The following CLEC18A variants were observed in gnomAD, a reference collection of about 807,000 sequenced individuals.
CLEC18A encodes the protein mannose receptor-like 1.
A neutral mutation model predicts 24.0 loss-of-function variants in CLEC18A; 5 were observed. The ratio of observed to expected loss-of-function variants is 0.21; its 90% CI spans 0.11 to 0.44. CLEC18A has a LOEUF of 0.44. Ranked by LOEUF, CLEC18A falls within the 20% of genes least tolerant of loss-of-function variation. CLEC18A has a pLI of 0.99. For synonymous variants in CLEC18A, 29 were observed against 100.1 expected (o/e 0.29, Z 4.24); for missense variants, 83 against 233.4 (o/e 0.36, Z 4.20).
At chr16:69,950,309 C>T (rs2058931347), upstream of CLEC18A, among the ~76,000 whole-genome samples, 1 of 127,302 alleles carries the variant, frequency 7.9e-6, no homozygotes, top group South Asian at 2.5e-4. Context: ...AGAAGGAGGA[C>T]GTAGTTGGTT....
upstream of CLEC18A, among the ~76,000 whole-genome samples, chr16:69,946,346 C>G (rs1214211565): frequency 7.3e-6 from 1 of 136,288 alleles, no homozygotes; most frequent in Non-Finnish European, 1.6e-5. Context: ...TTTTTTAGAT[C>G]TTTAGTTTCT....
chr16:69,948,562 T>TA (rs996244714), upstream of CLEC18A, among the ~76,000 whole-genome samples: 1 of 151,884 alleles, frequency 6.6e-6, no homozygotes, highest in African/African-American at 2.4e-5. Context: ...ACACAGGTGA[T>TA]AAAGAAAATA....
downstream of CLEC18A, among the ~76,000 whole-genome samples, chr16:69,965,536 C>G (rs969427043): frequency 3.3e-5 from 5 of 150,698 alleles, no homozygotes; most frequent in African/African-American, 1.2e-4. Flanking sequence ...CGAGCCGAGA[C>G]CTTCCCACCC....
intron 3 of CLEC18A, among the ~76,000 whole-genome samples, chr16:69,955,351 G>A (rs1487684880): frequency 1.0e-4 from 15 of 149,756 alleles, no homozygotes; most frequent in South Asian, 2.1e-4. Flanking sequence ...AAACATAAAC[G>A]TATTTATTTA....
At chr16:69,963,524 G>C (rs1288314822) in intron 11 of CLEC18A, 50 bp from the exon 12 acceptor site, 1 of 1,609,296 alleles carries the variant, frequency 6.2e-7, no homozygotes, top group Non-Finnish European at 8.5e-7. Flanking sequence ...CTGCCATCTT[G>C]GGACTGCCTG....
chr16:69,953,900 G>A (rs1218223461), intron 2 of CLEC18A: 3 of 299,716 alleles, frequency 1.0e-5, no homozygotes, highest in Non-Finnish European at 1.9e-5. Flanking sequence ...CTGGGGGCAG[G>A]AGACTAGGGC....
At chr16:69,964,933 C>G (rs546479629), downstream of CLEC18A, among the ~76,000 whole-genome samples, 1 of 152,214 alleles carries the variant, frequency 6.6e-6, no homozygotes, top group African/African-American at 2.4e-5. Context: ...ACCCAAGTAG[C>G]TGCAACCACA....
chr16:69,955,554 C>G (rs4985469), intron 3 of CLEC18A, among the ~76,000 whole-genome samples: 1 of 123,070 alleles, frequency 8.1e-6, no homozygotes, highest in African/African-American at 2.8e-5. Flanking sequence ...TTTCACCATG[C>G]TGGCCAGGCT....
intron 3 of CLEC18A, among the ~76,000 whole-genome samples, chr16:69,957,047 T>C (rs1261525037): frequency 6.6e-6 from 1 of 151,754 alleles, no homozygotes; most frequent in Non-Finnish European, 1.5e-5. Flanking sequence ...GTTTAGATCA[T>C]TCATTTTAAA....
chr16:69,954,565 T>C lies in CLEC18A; in HGVS notation c.448T>C (p.Tyr150His). 6.2e-7 allele frequency: 1 copy of C among 1,610,804 alleles called. No homozygotes were observed. The highest frequency in any genetic ancestry group is 8.5e-7 in the Non-Finnish European group (1 of 1,178,472). Residue 150 changes from tyrosine (Y) to histidine (H), a missense_variant, in exon 3 of 12, where the codon TAC becomes CAC. Around this residue, in one of 3 missense-constraint regions of CLEC18A, gnomAD observed 71 missense variants for 107.4 expected, o/e 0.66. Coordinates refer to ENST00000288040, the MANE Select transcript of CLEC18A (RefSeq NM_001370523.4). ...TGCTCGCAACGCCACCTGCACCCAC[T>C]ACACGCAGGTGAGTGTGCTGCAGGT... Reference protein sequence around the residue: ...ECARNATCTHYTQLVWATSSQ... With the variant: ...ECARNATCTHHTQLVWATSSQ...
intron 3 of CLEC18A, among the ~76,000 whole-genome samples, chr16:69,957,820 TG>T (rs1165366643): frequency 1.9e-5 from 1 of 51,982 alleles, no homozygotes; most frequent in African/African-American, 1.2e-4. Flanking sequence ...TGCCCATTTG[TG>T]CTATTTCCAA....
At chr16:69,943,699 C>T in the CLEC18A span, among the ~76,000 whole-genome samples, 3 of 150,052 alleles carry the variant, frequency 2.0e-5, no homozygotes, top group Non-Finnish European at 3.0e-5. Flanking sequence ...TTTGTTTCCA[C>T]GCCTAGGACA....
At chr16:69,956,057 G>A (rs1170407270) in intron 3 of CLEC18A, among the ~76,000 whole-genome samples, 1 of 152,062 alleles carries the variant, frequency 6.6e-6, no homozygotes, top group Admixed American at 6.5e-5. Flanking sequence ...ATCAGCCTGG[G>A]CCACATGGCA....
At chr16:69,955,503 A>C (rs2059022490) in intron 3 of CLEC18A, among the ~76,000 whole-genome samples, 7 of 150,988 alleles carry the variant, frequency 4.6e-5, no homozygotes, top group Admixed American at 4.6e-4. Context: ...GGCACGAGCC[A>C]CCACACCCCA....
chr16:69,944,867 G>C, the CLEC18A span, among the ~76,000 whole-genome samples: 2 of 120,166 alleles, frequency 1.7e-5, 1 homozygote, highest in African/African-American at 7.3e-5. Flanking sequence ...AGGGCCGGGC[G>C]CGGTGGCTCA....
intron 3 of CLEC18A, among the ~76,000 whole-genome samples, chr16:69,955,115 C>T (rs1400781958): frequency 6.6e-6 from 1 of 152,128 alleles, no homozygotes; most frequent in African/African-American, 2.4e-5. Flanking sequence ...ATTCTTGTGC[C>T]TCAGCCTCAC....
Position 69,954,564 on chromosome 16 carries a change from C to A in CLEC18A, c.447C>A (p.His149Gln), listed in dbSNP as rs745970823. Residue 149 changes from histidine (H) to glutamine (Q), a missense_variant, in exon 3 of 12, where the codon CAC becomes CAA. His to Gln is a conservative substitution (Grantham distance 24). This residue lies in a region of CLEC18A where 71 missense variants were observed against 107.4 expected (regional missense o/e 0.66). Transcript: ENST00000288040. ...GECARNATCTHYTQLVWATSS... is the reference protein window; with the variant it reads ...GECARNATCTQYTQLVWATSS... Reference sequence around the variant, plus strand: ...GTGCTCGCAACGCCACCTGCACCCACTACACGCAGGTGAGTGTGCTGCAGG... The same window carrying A: ...GTGCTCGCAACGCCACCTGCACCCAATACACGCAGGTGAGTGTGCTGCAGG... 2 of 1,610,850 alleles carry A rather than the reference C, an allele frequency of 1.2e-6. No individual in the cohort carries two copies. The highest frequency in any genetic ancestry group is 4.5e-5 in the East Asian group (2 of 44,854).
chr16:69,950,120 G>A (rs1409860352), upstream of CLEC18A, among the ~76,000 whole-genome samples: 5 of 123,428 alleles, frequency 4.1e-5, no homozygotes, highest in African/African-American at 1.0e-4. Context: ...GTTCCAGACC[G>A]CCTTCATGGC....
At chr16:69,946,392 A>ATTTTTTTTT (rs56112480), upstream of CLEC18A, among the ~76,000 whole-genome samples, 1 of 84,062 alleles carries the variant, frequency 1.2e-5, no homozygotes, top group Non-Finnish European at 2.3e-5. Flanking sequence ...ATGTGTATGG[A>ATTTTTTTTT]TTTTTTTTTT....
Sources: gnomAD v4.1 joint callset for allele counts (sites outside exome capture counted in the v4.1 genomes callset) on GRCh38, gnomAD v4.1.1 for gene constraint, gnomAD v4.1.1 regional missense constraint, MANE v1.5 for transcripts, NCBI Gene and HGNC (gene_info 2026-07-23, HGNC 2026-07-21) for gene names.